The following CA10 variants were observed in gnomAD, a reference collection of about 807,000 sequenced individuals.
CA10 encodes the protein carbonic anhydrase-related protein 10.
CA10 carries 14 observed loss-of-function variants against 44.2 expected under a neutral mutation model. The ratio of observed to expected loss-of-function variants is 0.32; its 90% confidence interval spans 0.21 to 0.50. The LOEUF is 0.50. CA10 is among the 20% of genes least tolerant of loss of function. CA10 has a pLI of 0.99. For missense variants in CA10, 350 were observed against 409.7 expected, an observed-to-expected ratio of 0.85 and a Z score of 1.26; for synonymous variants, 159 against 141.6, an observed-to-expected ratio of 1.12 and a Z score of -0.87.
intron 2 of CA10, among the ~76,000 whole-genome samples, chr17:52,029,904 A>C (rs947381416): frequency 1.3e-5 from 2 of 152,250 alleles, no homozygotes; most frequent in South Asian, 4.1e-4. Context: ...ATTATAATAC[A>C]TATGTATACA....
intron 1 of CA10, among the ~76,000 whole-genome samples, chr17:52,081,554 A>C (rs1408059286): frequency 6.6e-6 from 1 of 152,188 alleles, no homozygotes; most frequent in Middle Eastern, 3.4e-3. Context: ...TAGTCCCAGC[A>C]CTTTGGGAGG....
At chr17:52,123,092 C>T (rs538697545) in intron 1 of CA10, among the ~76,000 whole-genome samples, 2 of 152,230 alleles carry the variant, frequency 1.3e-5, no homozygotes, top group South Asian at 4.1e-4. Flanking sequence ...GGAACCAGCA[C>T]AATTGTGATC....
At chr17:52,110,328 T>C (rs1237311348) in intron 1 of CA10, among the ~76,000 whole-genome samples, 1 of 152,126 alleles carries the variant, frequency 6.6e-6, no homozygotes, top group Non-Finnish European at 1.5e-5. Flanking sequence ...ATAAAATGAG[T>C]CCTCTGGAGT....
intron 3 of CA10, among the ~76,000 whole-genome samples, chr17:51,781,984 T>C (rs1906081416): frequency 6.6e-6 from 1 of 152,194 alleles, no homozygotes; most frequent in Non-Finnish European, 1.5e-5. Flanking sequence ...AGGACTGGGA[T>C]TTGACTTATC....
chr17:51,698,453 G>A (rs1915475615), intron 4 of CA10, among the ~76,000 whole-genome samples: 1 of 152,178 alleles, frequency 6.6e-6, no homozygotes, highest in African/African-American at 2.4e-5. Flanking sequence ...GAAGGCAATT[G>A]TATATATTTA....
At chr17:52,079,474 T>C (rs2143165046) in intron 1 of CA10, among the ~76,000 whole-genome samples, 1 of 150,798 alleles carries the variant, frequency 6.6e-6, no homozygotes, top group Admixed American at 6.6e-5. Flanking sequence ...AAAAAAAAAT[T>C]CCATTATTTA....
intron 3 of CA10, among the ~76,000 whole-genome samples, chr17:51,777,801 A>G (rs936722904): frequency 2.6e-5 from 4 of 152,132 alleles, no homozygotes; most frequent in African/African-American, 9.7e-5. Context: ...GCGTGGTGGT[A>G]TGTACCTGTG....
At position 51,902,912 on chromosome 17, in the gene CA10, C is replaced by T. The variant is rs371585045; in HGVS notation, c.279+28078G>A. Among the ~76,000 whole-genome samples the T allele has an allele frequency of 1.3e-4, 20 of 152,236 alleles. No individual in the cohort carries two copies. The East Asian group carries it at 3.1e-3, about 24-fold the overall frequency. ...AAGTATAACACAATGGAATCAGTAA[C>T]GTGAAGGAGACATAATGAAGTGTCG... On this transcript the variant is annotated intron_variant, in intron 3 of 8. Coordinates refer to ENST00000451037, the MANE Select transcript of CA10 (RefSeq NM_020178.5).
chr17:51,992,187 A>G (rs577283394), intron 2 of CA10, among the ~76,000 whole-genome samples: 2 of 152,080 alleles, frequency 1.3e-5, no homozygotes, highest in Non-Finnish European at 2.9e-5. Context: ...TGTTGTGTCC[A>G]TAAGTTTCAT....
At position 52,042,304 on chromosome 17, in the gene CA10, G is replaced by T. The variant is rs180709455; in HGVS notation, c.136+30015C>A. 2.6e-5 allele frequency among the ~76,000 whole-genome samples: 4 copies of T among 152,032 alleles called. No individual in the cohort carries two copies. The East Asian group carries it at 7.8e-4, about 30-fold the overall frequency. On this transcript the variant is annotated intron_variant, in intron 2 of 8. Coordinates refer to ENST00000451037, the MANE Select transcript of CA10 (RefSeq NM_020178.5). Reference sequence around the variant, plus strand: ...ATAGCCATCCTAACAGGTATGAAGTGATGCCTTGTGGTTTTAATTTGCATT... The same window carrying T: ...ATAGCCATCCTAACAGGTATGAAGTTATGCCTTGTGGTTTTAATTTGCATT...
intron 3 of CA10, among the ~76,000 whole-genome samples, chr17:51,807,493 C>G (rs1907180300): frequency 6.6e-6 from 1 of 152,190 alleles, no homozygotes; most frequent in Non-Finnish European, 1.5e-5. Context: ...GCTCTTAGAT[C>G]TGTTTTCTCA....
At chr17:51,680,563 C>T (rs898239188) in intron 4 of CA10, among the ~76,000 whole-genome samples, 11 of 152,290 alleles carry the variant, frequency 7.2e-5, no homozygotes, top group South Asian at 4.1e-4. Context: ...GTGACACTCC[C>T]GCACCCTGTT....
intron 7 of CA10, among the ~76,000 whole-genome samples, chr17:51,634,928 C>T (rs954562624): frequency 6.6e-6 from 1 of 152,136 alleles, no homozygotes; most frequent in South Asian, 2.1e-4. Context: ...TATCTTTTCC[C>T]ACTGAGACAG....
intron 2 of CA10, among the ~76,000 whole-genome samples, chr17:51,949,895 T>C (rs1983418993): frequency 6.6e-6 from 1 of 152,164 alleles, no homozygotes; most frequent in Non-Finnish European, 1.5e-5. Context: ...AGGCAGTAGT[T>C]GCAAAAATTT....
intron 2 of CA10, among the ~76,000 whole-genome samples, chr17:52,025,148 G>A (rs1986261605): frequency 1.3e-5 from 2 of 152,112 alleles, no homozygotes; most frequent in African/African-American, 4.8e-5. Flanking sequence ...AAGGTAAAAA[G>A]GGAAGTCTGA....
At chr17:51,876,345 CT>C (rs767472733) in intron 3 of CA10, among the ~76,000 whole-genome samples, 1,527 of 123,636 alleles carry the variant, frequency 0.012, 16 homozygotes, top group African/African-American at 0.034. Flanking sequence ...TTTTTTTCAT[CT>C]TTTTTTTTTT....
chr17:51,635,102 T>C (rs1912765638), intron 7 of CA10, among the ~76,000 whole-genome samples: 1 of 152,116 alleles, frequency 6.6e-6, no homozygotes, highest in Non-Finnish European at 1.5e-5. Flanking sequence ...TCATTGCAGA[T>C]GGAATGAGCT....
chr17:52,098,402 C>T (rs911594984), intron 1 of CA10, among the ~76,000 whole-genome samples: 5 of 152,192 alleles, frequency 3.3e-5, no homozygotes, highest in Non-Finnish European at 5.9e-5. Context: ...TGCTGCTAGT[C>T]TGAGGACCAT....
chr17:51,878,893 G>GGTGGGTGT (rs1980230031), intron 3 of CA10, among the ~76,000 whole-genome samples: 1 of 52,352 alleles, frequency 1.9e-5, no homozygotes, highest in Non-Finnish European at 3.8e-5. Flanking sequence ...TATATATATG[G>GGTGGGTGT]GTGTGTGTGT....
Sources: allele counts gnomAD v4.1 joint callset (sites outside exome capture counted in the v4.1 genomes callset), GRCh38; gene constraint gnomAD v4.1.1; transcripts MANE v1.5; gene names NCBI Gene and HGNC (gene_info 2026-07-23, HGNC 2026-07-21).